The following PLIN3 variants were observed in gnomAD, a reference collection of about 807,000 sequenced individuals.
The protein encoded by PLIN3 is perilipin-3.
PLIN3 carries 30 observed loss-of-function variants against 35.9 expected under a neutral mutation model. The observed-to-expected ratio is 0.84, with a 90% CI of 0.62 to 1.13. PLIN3 has a LOEUF of 1.13. Ranked by LOEUF, PLIN3 falls within the 50% of genes most tolerant of loss-of-function variation. The pLI is 0.00. For missense variants in PLIN3, 603 were observed against 596.9 expected, an observed-to-expected ratio of 1.01 and a Z score of -0.11; for synonymous variants, 261 against 262.5, an observed-to-expected ratio of 0.99 and a Z score of 0.06.
At chr19:4,846,728 T>A (rs563765625) in intron 6 of PLIN3, among the ~76,000 whole-genome samples, 2 of 151,660 alleles carry the variant, frequency 1.3e-5, no homozygotes, top group Non-Finnish European at 2.9e-5. Context: ...GACACAGACA[T>A]ACACAGAGGG....
chr19:4,864,653 C>T (rs935461156), intron 1 of PLIN3, among the ~76,000 whole-genome samples: 1 of 152,026 alleles, frequency 6.6e-6, no homozygotes, highest in African/African-American at 2.4e-5. Context: ...AGATAACATG[C>T]CTGCCTGCAC....
At chr19:4,845,104 T>C (rs2030043302) in intron 6 of PLIN3, among the ~76,000 whole-genome samples, 1 of 152,126 alleles carries the variant, frequency 6.6e-6, no homozygotes, top group Non-Finnish European at 1.5e-5. Context: ...CAATGGGACA[T>C]GAGCAGATGG....
chr19:4,847,862 A>G lies in PLIN3; in HGVS notation c.663T>C (p.Phe221=), dbSNP rs9304915. The change falls in exon 6 of 8, where the codon TTT becomes TTC. Residue 221 remains phenylalanine (F), a synonymous_variant. Coordinates refer to ENST00000221957, the MANE Select transcript of PLIN3 (RefSeq NM_005817.5). ...GCTGCTGCTGCACGGACGCGACGTC[A>G]AAGCCATCCAGGGATGTGGCGATGC... is the stretch of plus-strand genomic sequence containing the variant. ...LARIATSLDG[F]DVASVQQQRQ... is the part of the protein sequence containing the mutation. The G allele has an allele frequency of 0.85, 1,371,733 of 1,613,230 alleles. 583,719 individuals are homozygous for G. The highest frequency in any genetic ancestry group is 0.93 in the Admixed American group (55,476 of 59,840).
chr19:4,860,307 A>G (rs1209997992), intron 2 of PLIN3, among the ~76,000 whole-genome samples: 5 of 152,034 alleles, frequency 3.3e-5, no homozygotes, highest in Non-Finnish European at 7.4e-5. Context: ...CCCAGGTTCA[A>G]ACGATTCTCC....
intron 4 of PLIN3, among the ~76,000 whole-genome samples, chr19:4,856,808 T>C (rs2030491877): frequency 6.6e-6 from 1 of 150,500 alleles, no homozygotes; most frequent in Non-Finnish European, 1.5e-5. Context: ...CAGGTTCAAG[T>C]GATACTCGTG....
At chr19:4,858,700 G>T (rs370857429) in intron 4 of PLIN3, among the ~76,000 whole-genome samples, 14 of 27,810 alleles carry the variant, frequency 5.0e-4, no homozygotes, top group African/African-American at 1.1e-3. Flanking sequence ...GTGTTTTTTT[G>T]GTTTTTTTTT....
chr19:4,859,888 C>T lies in PLIN3; in HGVS notation c.203G>A (p.Arg68Lys), dbSNP rs960969907. 2.5e-6 allele frequency: 4 copies of T among 1,613,778 alleles called. No individual in the cohort carries two copies. Among genetic ancestry groups the T allele is most frequent in the Non-Finnish European group, 3.4e-6 (4 of 1,180,020 alleles). ...TVCDAAEKGV[R>K]TLTAAAVSGA... ...GCTGACAGCAGCCGCCGTGAGGGTC[C>T]TCACTCCCTTCTCTGCTGCGTCGCA... Residue 68 changes from arginine to lysine, a missense_variant, in exon 3 of 8, where the codon AGG (arginine) becomes AAG (lysine). Coordinates refer to ENST00000221957, the MANE Select transcript of PLIN3 (RefSeq NM_005817.5).
intron 1 of PLIN3, among the ~76,000 whole-genome samples, chr19:4,864,164 T>G (rs1190727307): frequency 6.7e-6 from 1 of 149,054 alleles, no homozygotes; most frequent in Non-Finnish European, 1.5e-5. Flanking sequence ...TTTGTTTTTT[T>G]TTTTTGGACA....
In PLIN3 at chr19:4,839,326, G is replaced by C. The variant is rs780194423; in HGVS notation, c.1171C>G (p.Arg391Gly). The change falls in exon 8 of 8, where the codon CGT becomes GGT. Residue 391 changes from arginine to glycine, a missense_variant. By Grantham distance (125) the Arg-to-Gly change is moderately radical (BLOSUM62 -2). Transcript: ENST00000221957. ...TCGCGGGCGCTGGCGACACGCTCACGGCTCTGGGCCAGAATGCTGCTGGAC... is the reference window on the plus strand; with the variant it reads ...TCGCGGGCGCTGGCGACACGCTCACCGCTCTGGGCCAGAATGCTGCTGGAC... ...DLSSSILAQS[R>G]ERVASAREAL... 5.0e-6 allele frequency: 8 copies of C among 1,613,834 alleles called. No homozygotes were observed. Among genetic ancestry groups the C allele is most frequent in the Middle Eastern group, 3.3e-4 (2 of 6,084 alleles).
chr19:4,862,370 G>T (rs1307002222), intron 1 of PLIN3, among the ~76,000 whole-genome samples: 1 of 151,916 alleles, frequency 6.6e-6, no homozygotes, highest in Non-Finnish European at 1.5e-5. Flanking sequence ...CTGACCTCGT[G>T]ATCCGCCCGC....
chr19:4,866,022 C>CTT (rs1217481158), intron 1 of PLIN3, among the ~76,000 whole-genome samples: 4 of 129,190 alleles, frequency 3.1e-5, no homozygotes, highest in Non-Finnish European at 4.9e-5. Flanking sequence ...CATGCCCGGC[C>CTT]TTTTTTTTTT....
chr19:4,856,133 G>C (rs2030467151), intron 4 of PLIN3, among the ~76,000 whole-genome samples: 1 of 152,078 alleles, frequency 6.6e-6, no homozygotes, highest in South Asian at 2.1e-4. Flanking sequence ...GGATGCGGCT[G>C]GCTTGTCCTG....
intron 2 of PLIN3, among the ~76,000 whole-genome samples, chr19:4,860,483 G>A (rs987782796): frequency 4.6e-5 from 7 of 151,868 alleles, no homozygotes; most frequent in African/African-American, 1.7e-4. Flanking sequence ...GATTACAGGC[G>A]TGAGCCACCG....
intron 6 of PLIN3, among the ~76,000 whole-genome samples, chr19:4,845,955 T>C (rs960489505): frequency 4.3e-5 from 6 of 138,174 alleles, no homozygotes; most frequent in African/African-American, 1.6e-4. Flanking sequence ...CCGGGCGCGG[T>C]GGCTCACGCC....
Position 4,839,193 on chromosome 19 carries a change from T to A in PLIN3, c.1304A>T (p.Ter435LeuextTer31), listed in dbSNP as rs773555102. ...ITEKAPEEKK[*>L] is the part of the protein sequence containing the mutation. ...CCCGCTGAGTCCTCTCCTCTCCCCC[T>A]ACTTCTTCTCCTCCGGGGCTTTCTC... Residue 435 changes from the stop codon to leucine (L), a stop_lost, in exon 8 of 8, where the codon TAG becomes TTG. Coordinates refer to ENST00000221957, the MANE Select transcript of PLIN3 (RefSeq NM_005817.5). The A allele has an allele frequency of 1.3e-6, 2 of 1,598,934 alleles. No homozygotes were observed. The highest frequency in any genetic ancestry group is 2.7e-5 in the African/African-American group (2 of 74,802).
chr19:4,845,720 C>G (rs552961254), intron 6 of PLIN3, among the ~76,000 whole-genome samples: 13 of 151,180 alleles, frequency 8.6e-5, no homozygotes, highest in Non-Finnish European at 1.6e-4. Flanking sequence ...GTGAGGAGAT[C>G]GAGACCATCC....
chr19:4,839,678 T>C (rs2029870715), intron 7 of PLIN3, 142 bp from the exon 8 acceptor site: 1 of 571,998 alleles, frequency 1.7e-6, no homozygotes, highest in South Asian at 4.3e-5. Flanking sequence ...TTTTTTTTTT[T>C]TTTTTGAGAC....
At chr19:4,844,864 A>T in intron 6 of PLIN3, 71 bp from the exon 7 acceptor site, 1 of 1,462,812 alleles carries the variant, frequency 6.8e-7, no homozygotes, top group Non-Finnish European at 9.1e-7. Context: ...AAGGAACCCA[A>T]GGAATCCTTC....
chr19:4,860,331 T>C (rs1048180899), intron 2 of PLIN3, among the ~76,000 whole-genome samples: 2 of 152,036 alleles, frequency 1.3e-5, no homozygotes, highest in Admixed American at 6.6e-5. Context: ...CTCATCCTCC[T>C]GAGTAGCTGG....
Sources: gnomAD v4.1 joint callset for allele counts (sites outside exome capture counted in the v4.1 genomes callset) on GRCh38, gnomAD v4.1.1 for gene constraint, MANE v1.5 for transcripts, NCBI Gene and HGNC (gene_info 2026-07-23, HGNC 2026-07-21) for gene names.